Variants in AMPH observed in about 807,000 individuals in gnomAD.
The protein encoded by AMPH is amphiphysin.
In AMPH, 49 loss-of-function variants were observed where a neutral mutation model predicts 99.1. That is an observed-to-expected ratio of 0.49 (90% CI 0.39 to 0.63). The LOEUF is 0.63. Ranked by LOEUF, AMPH falls within the 20% of genes least tolerant of loss-of-function variation. The pLI, the probability that AMPH is intolerant of heterozygous loss-of-function variation, is 0.00. For synonymous variants in AMPH, 314 were observed against 317.3 expected, an observed-to-expected ratio of 0.99 and a Z score of 0.11; for missense variants, 759 against 863.4, an observed-to-expected ratio of 0.88 and a Z score of 1.52.
At chr7:38,620,681 T>C (rs1794029721) in intron 1 of AMPH, among the ~76,000 whole-genome samples, 1 of 151,934 alleles carries the variant, frequency 6.6e-6, no homozygotes, top group African/African-American at 2.4e-5. Flanking sequence ...TGGGTGACAC[T>C]TAAGAATTTG....
intron 20 of AMPH, among the ~76,000 whole-genome samples, chr7:38,386,499 A>G (rs1190891180): frequency 6.6e-6 from 1 of 152,232 alleles, no homozygotes; most frequent in East Asian, 1.9e-4. Flanking sequence ...GCCAACATCA[A>G]TCTTTAGCTG....
In AMPH at chr7:38,534,969, G is replaced by C; in HGVS notation, c.112C>G (p.Gln38Glu). 7 of 1,614,074 alleles carry C rather than the reference G, an allele frequency of 4.3e-6. No homozygotes were observed. The highest frequency in any genetic ancestry group is 5.9e-6 in the Non-Finnish European group (7 of 1,179,998). Reference sequence around the variant, plus strand: ...AAGTTCTGGACATATTCTTCGAACTGTTCGTCTTTTGTCTCATCAGCTTTC... The same window carrying C: ...AAGTTCTGGACATATTCTTCGAACTCTTCGTCTTTTGTCTCATCAGCTTTC... ...LGKADETKDE[Q>E]FEEYVQNFKR... Residue 38 changes from glutamine to glutamate, a missense_variant, in exon 2 of 21, where the codon CAG becomes GAG. By Grantham distance (29) the Gln-to-Glu change is conservative. This residue lies in a region of AMPH where 205 missense variants were observed against 287.9 expected (regional missense o/e 0.71). Transcript: ENST00000356264.
intron 7 of AMPH, among the ~76,000 whole-genome samples, chr7:38,470,836 G>A (rs1009827795): frequency 1.3e-5 from 2 of 151,900 alleles, no homozygotes; most frequent in Non-Finnish European, 2.9e-5. Flanking sequence ...TTTACATATT[G>A]TCTATCTGTT....
intron 11 of AMPH, among the ~76,000 whole-genome samples, chr7:38,448,902 T>A (rs560477567): frequency 6.2e-4 from 95 of 152,302 alleles, no homozygotes; most frequent in African/African-American, 2.1e-3. Flanking sequence ...TGTTTTTTAT[T>A]AGAACAAGTT....
chr7:38,440,079 T>G (rs571173152), intron 11 of AMPH, among the ~76,000 whole-genome samples: 134 of 152,314 alleles, frequency 8.8e-4, no homozygotes, highest in Non-Finnish European at 1.4e-3. Context: ...GAGCCTTGCA[T>G]AGCTGCTAGT....
intron 17 of AMPH, among the ~76,000 whole-genome samples, chr7:38,403,164 G>T (rs1784889389): frequency 6.6e-6 from 1 of 152,192 alleles, no homozygotes; most frequent in Admixed American, 6.5e-5. Context: ...AAAGCTGAGA[G>T]AAGAGAGCCA....
At chr7:38,432,343 T>C (rs942725235) in intron 12 of AMPH, 131 bp from the exon 13 acceptor site, 2 of 738,148 alleles carry the variant, frequency 2.7e-6, no homozygotes, top group African/African-American at 3.5e-5. Flanking sequence ...AATAAAACTT[T>C]TTTTGGTGAA....
intron 17 of AMPH, among the ~76,000 whole-genome samples, chr7:38,398,581 G>A (rs962371051): frequency 1.3e-5 from 2 of 152,116 alleles, no homozygotes; most frequent in African/African-American, 4.8e-5. Context: ...TGGTTAATGG[G>A]CACAAACAAT....
intron 15 of AMPH, among the ~76,000 whole-genome samples, chr7:38,423,455 G>A (rs940277158): frequency 1.3e-5 from 2 of 152,212 alleles, no homozygotes; most frequent in African/African-American, 4.8e-5. Context: ...CGGAAAAGAT[G>A]AGCCAGTGCC....
Position 38,390,961 on chromosome 7 carries a change from CAGAGAGAGAGAGAGAGAGAGAGAGAGAG to C in AMPH, c.1878+759_1878+786del, listed in dbSNP as rs199667568. On this transcript the variant is annotated intron_variant, in intron 19 of 20. Transcript: ENST00000356264. ...ACTTTCTAATGGAGAGAGACAAAGA[CAGAGAGAGAGAGAGAGAGAGAGAGAGAG>C]AGAGAGAGAGAGAGAGAGAGAGAGA... Among the ~76,000 whole-genome samples the C allele has an allele frequency of 2.4e-3, 304 of 129,294 alleles. 2 individuals carry two copies. Among genetic ancestry groups the C allele is most frequent in the East Asian group, 6.2e-3 (23 of 3,690 alleles). The allele number at this position is 129,294 out of a possible 152,430, so 84.8% of individuals were successfully genotyped here. A position where few individuals can be genotyped will look rare whatever the true frequency, so the allele number is the denominator to read the frequency against.
chr7:38,534,795 A>C (rs1268642945), intron 2 of AMPH, 136 bp downstream of exon 2: 3 of 710,170 alleles, frequency 4.2e-6, no homozygotes, highest in Non-Finnish European at 7.0e-6. Flanking sequence ...AATTCTCCAG[A>C]ATTAGCAAGT....
In AMPH at chr7:38,384,917, G is replaced by C; in HGVS notation, c.1989C>G (p.Gly663=). The C allele has an allele frequency of 6.2e-7, 1 of 1,613,332 alleles. No individual in the cohort carries two copies. The highest frequency in any genetic ancestry group is 8.5e-7 in the Non-Finnish European group (1 of 1,179,434). ...PSDSEADQDA[G]WLVGVKESDW... ...CTGATTCCTTCACTCCCACCAGCCA[G>C]CCTGCATCCTGAAAAACAATGACAG... is the stretch of plus-strand genomic sequence containing the variant. Residue 663 remains glycine, a synonymous_variant, in exon 21 of 21, where the codon GGC becomes GGG. Coordinates refer to ENST00000356264, the MANE Select transcript of AMPH (RefSeq NM_001635.4).
chr7:38,575,948 G>T (rs1241827961), intron 1 of AMPH, among the ~76,000 whole-genome samples: 1 of 152,126 alleles, frequency 6.6e-6, no homozygotes, highest in Admixed American at 6.5e-5. Context: ...GCACCCCCTG[G>T]AACTTCCTCC....
At chr7:38,464,228 A>C in intron 9 of AMPH, 2 of 879,900 alleles carry the variant, frequency 2.3e-6, no homozygotes, top group Non-Finnish European at 3.2e-6. Context: ...TTTCCATGTA[A>C]GGGAACAACC....
intron 2 of AMPH, among the ~76,000 whole-genome samples, chr7:38,512,259 A>G (rs1789569198): frequency 6.6e-6 from 1 of 152,218 alleles, no homozygotes; most frequent in South Asian, 2.1e-4. Flanking sequence ...GTGACTTATA[A>G]GAGAGAATCA....
At chr7:38,553,333 C>T (rs755311967) in intron 1 of AMPH, among the ~76,000 whole-genome samples, 7 of 152,252 alleles carry the variant, frequency 4.6e-5, no homozygotes, top group African/African-American at 1.7e-4. Flanking sequence ...AACTCTGCTT[C>T]CTGCCTGCCG....
At chr7:38,571,710 C>A (rs1792047217) in intron 1 of AMPH, among the ~76,000 whole-genome samples, 1 of 151,374 alleles carries the variant, frequency 6.6e-6, no homozygotes, top group Admixed American at 6.6e-5. Flanking sequence ...TAAAATGTTA[C>A]TGTGAGCTAA....
intron 10 of AMPH, 105 bp downstream of exon 10, chr7:38,462,870 A>G: frequency 7.9e-7 from 1 of 1,271,110 alleles, no homozygotes; most frequent in Non-Finnish European, 1.1e-6. Context: ...AGTCTCCCTA[A>G]CTGGAAACTT....
chr7:38,430,859 T>C (rs1281138774), intron 13 of AMPH, among the ~76,000 whole-genome samples: 1 of 152,222 alleles, frequency 6.6e-6, no homozygotes, highest in African/African-American at 2.4e-5. Flanking sequence ...GTATGAGCCC[T>C]GCAACTGCAG....
Sources: allele counts gnomAD v4.1 joint callset (sites outside exome capture counted in the v4.1 genomes callset), GRCh38; gene constraint gnomAD v4.1.1; regional missense constraint gnomAD v4.1.1; transcripts MANE v1.5; gene names NCBI Gene and HGNC (gene_info 2026-07-23, HGNC 2026-07-21).